The following EEFSEC variants were observed in gnomAD, a reference collection of about 807,000 sequenced individuals.
EEFSEC encodes selenocysteine-specific elongation factor.
A neutral mutation model predicts 42.1 loss-of-function variants in EEFSEC; 43 were observed. The observed-to-expected ratio is 1.02, with a 90% CI of 0.80 to 1.32. The LOEUF (loss-of-function observed/expected upper bound fraction) is 1.32, where lower values mean the gene tolerates loss of function less well. EEFSEC is among the 40% of genes most tolerant of loss of function. The pLI is 0.00. For missense variants in EEFSEC, 745 were observed against 803.6 expected (o/e 0.93, Z 0.88); for synonymous variants, 354 against 339.1 (o/e 1.04, Z -0.48).
intron 4 of EEFSEC, among the ~76,000 whole-genome samples, chr3:128,326,087 G>T (rs557646764): frequency 4.9e-4 from 75 of 152,356 alleles, no homozygotes; most frequent in East Asian, 5.8e-4. Flanking sequence ...GCATCTGGAG[G>T]GGGTGTTGAG....
At position 128,233,453 on chromosome 3, in the gene EEFSEC, C is replaced by A. The variant is rs114225863; in HGVS notation, c.317-13383C>A. 4.6e-3 allele frequency among the ~76,000 whole-genome samples: 694 copies of A among 152,310 alleles called. 4 individuals carry two copies. Among genetic ancestry groups the A allele is most frequent in the African/African-American group, 0.015 (609 of 41,542 alleles). Reference sequence around the variant, plus strand: ...AACCCTGGCTTAATTCATACTTCTTCCCTGATGTGGATCAGCTGTTTTGAA... The same window carrying A: ...AACCCTGGCTTAATTCATACTTCTTACCTGATGTGGATCAGCTGTTTTGAA... On this transcript the variant is annotated intron_variant, in intron 1 of 6. Transcript: ENST00000254730.
intron 4 of EEFSEC, among the ~76,000 whole-genome samples, chr3:128,280,246 G>A (rs1370782332): frequency 6.6e-6 from 1 of 152,160 alleles, no homozygotes; most frequent in Non-Finnish European, 1.5e-5. Flanking sequence ...GAGGGAAAGT[G>A]GAATTTAGAG....
At chr3:128,229,051 G>C (rs996270399) in intron 1 of EEFSEC, among the ~76,000 whole-genome samples, 3 of 152,194 alleles carry the variant, frequency 2.0e-5, no homozygotes, top group African/African-American at 7.2e-5. Context: ...TTGAGACTCA[G>C]TATGAAAACC....
chr3:128,253,363 A>G (rs531015262), intron 2 of EEFSEC, among the ~76,000 whole-genome samples: 3 of 152,046 alleles, frequency 2.0e-5, no homozygotes, highest in East Asian at 1.9e-4. Context: ...TCTCCTACCC[A>G]TCTCTTTCTC....
intron 4 of EEFSEC, among the ~76,000 whole-genome samples, chr3:128,286,885 G>A (rs2066592166): frequency 6.6e-6 from 1 of 152,202 alleles, no homozygotes. Flanking sequence ...AGCTGAACAT[G>A]AGCTCATGCT....
chr3:128,264,481 A>G (rs1263963706), intron 3 of EEFSEC, 136 bp from the exon 4 acceptor site: 1 of 964,552 alleles, frequency 1.0e-6, no homozygotes, highest in Non-Finnish European at 1.5e-6. Flanking sequence ...CCACCTTGCC[A>G]GGGCATGGAC....
chr3:128,404,154 G>GA lies in EEFSEC; in HGVS notation c.1601-3907dup, dbSNP rs201528734. ...TATGTTTGCCACATGGCTAAGAAAG[G>GA]AAAAAAAAGGCCACTGGGAAAACAA... On this transcript the variant is annotated intron_variant, in intron 6 of 6. Coordinates refer to ENST00000254730, the MANE Select transcript of EEFSEC (RefSeq NM_021937.5). Among the ~76,000 whole-genome samples, 1,125 of 151,906 alleles carry GA rather than the reference G, an allele frequency of 7.4e-3. 14 individuals carry two copies. The highest frequency in any genetic ancestry group is 0.024 in the African/African-American group (1,005 of 41,454).
intron 1 of EEFSEC, among the ~76,000 whole-genome samples, chr3:128,173,258 C>G (rs1236740560): frequency 6.6e-6 from 1 of 152,108 alleles, no homozygotes; most frequent in Non-Finnish European, 1.5e-5. Flanking sequence ...CCAAAGGAGC[C>G]TGGTTTGTGA....
the EEFSEC span, among the ~76,000 whole-genome samples, chr3:128,415,838 C>T: frequency 2.6e-5 from 4 of 152,202 alleles, no homozygotes; most frequent in Non-Finnish European, 5.9e-5. Context: ...TTTTGGGACC[C>T]CTGCTTCCTG....
intron 1 of EEFSEC, among the ~76,000 whole-genome samples, chr3:128,171,905 A>T (rs566619788): frequency 7.9e-5 from 12 of 152,320 alleles, no homozygotes; most frequent in African/African-American, 2.9e-4. Context: ...AAAACACAAT[A>T]AAGTATAGCA....
At chr3:128,369,727 A>G (rs777135938) in intron 6 of EEFSEC, among the ~76,000 whole-genome samples, 1 of 152,178 alleles carries the variant, frequency 6.6e-6, no homozygotes, top group Non-Finnish European at 1.5e-5. Context: ...TTTCCCTCCT[A>G]GCTTTTTAAA....
At position 128,302,857 on chromosome 3, in the gene EEFSEC, C is replaced by T. The variant is rs749574735; in HGVS notation, c.786+38076C>T. 2.0e-5 allele frequency among the ~76,000 whole-genome samples: 3 copies of T among 152,256 alleles called. No individual in the cohort carries two copies. In the East Asian group the frequency reaches 5.8e-4, roughly 29 times the overall value. The stretch of plus-strand genomic sequence containing the variant: ...TGGTTGTTTTATTATTGTGATCTTA[C>T]AAATATTTCTCAGCATGTATATTTA... On this transcript the variant is annotated intron_variant, in intron 4 of 6. Transcript: ENST00000254730.
Position 128,355,074 on chromosome 3 carries a change from G to A in EEFSEC, c.1444-3143G>A, listed in dbSNP as rs571207609. ...GAGTAATGTATTTCTACCTCCCGGC[G>A]TCTTCCCCTTGATGCCATGTGTGGG... On this transcript the variant is annotated intron_variant, in intron 5 of 6. Coordinates refer to ENST00000254730, the MANE Select transcript of EEFSEC (RefSeq NM_021937.5). Among the ~76,000 whole-genome samples the A allele has an allele frequency of 1.1e-4, 16 of 152,292 alleles. No individual in the cohort carries two copies. In the East Asian group the frequency reaches 2.5e-3, roughly 24 times the overall value.
At chr3:128,311,438 T>C (rs987486116) in intron 4 of EEFSEC, among the ~76,000 whole-genome samples, 1 of 152,216 alleles carries the variant, frequency 6.6e-6, no homozygotes, top group Non-Finnish European at 1.5e-5. Context: ...TCCACAGTTG[T>C]GTTCTGAGTG....
At chr3:128,389,072 TG>T (rs1296230684) in intron 6 of EEFSEC, among the ~76,000 whole-genome samples, 2 of 152,186 alleles carry the variant, frequency 1.3e-5, no homozygotes, top group African/African-American at 4.8e-5. Context: ...AGGGAGCCGG[TG>T]TGCCCTGGGC....
chr3:128,391,643 T>C (rs2067914366), intron 6 of EEFSEC, among the ~76,000 whole-genome samples: 1 of 152,222 alleles, frequency 6.6e-6, no homozygotes, highest in African/African-American at 2.4e-5. Flanking sequence ...AGCACATTTT[T>C]AAAGTTTGGT....
intron 1 of EEFSEC, among the ~76,000 whole-genome samples, chr3:128,171,009 C>G (rs903925533): frequency 2.6e-5 from 4 of 152,194 alleles, no homozygotes; most frequent in Non-Finnish European, 4.4e-5. Context: ...GTGTCCTCCT[C>G]TTCCTGACAC....
intron 4 of EEFSEC, among the ~76,000 whole-genome samples, chr3:128,326,992 T>G (rs1013375576): frequency 6.6e-5 from 10 of 152,204 alleles, no homozygotes; most frequent in Admixed American, 5.2e-4. Flanking sequence ...TGGCATCATA[T>G]TCTGAGCAGT....
chr3:128,188,117 G>A (rs1468563066), intron 1 of EEFSEC, among the ~76,000 whole-genome samples: 1 of 152,168 alleles, frequency 6.6e-6, no homozygotes, highest in East Asian at 1.9e-4. Context: ...GAGAGGCCAG[G>A]AGACCATTTT....
Sources: allele counts gnomAD v4.1 joint callset (sites outside exome capture counted in the v4.1 genomes callset), GRCh38; gene constraint gnomAD v4.1.1; transcripts MANE v1.5; gene names NCBI Gene and HGNC (gene_info 2026-07-23, HGNC 2026-07-21).